CNTN4: variants seen among roughly 807,000 people sequenced by gnomAD.
The protein encoded by CNTN4 is contactin-4.
CNTN4 carries 77 observed loss-of-function variants against 122.5 expected under a neutral mutation model. The observed-to-expected ratio is 0.63, with a 90% CI of 0.52 to 0.76. CNTN4 has a LOEUF of 0.76. Ranked by LOEUF, CNTN4 falls within the 30% of genes least tolerant of loss-of-function variation. The pLI is 0.00. For synonymous variants in CNTN4, 512 were observed against 447.0 expected (o/e 1.15, Z -1.83); for missense variants, 1,256 against 1,259.1 (o/e 1.00, Z 0.04).
intron 17 of CNTN4, among the ~76,000 whole-genome samples, chr3:3,036,402 TA>T (rs1453590520): frequency 6.6e-6 from 1 of 152,204 alleles, no homozygotes; most frequent in Non-Finnish European, 1.5e-5. Context: ...ACCTGACTGC[TA>T]ATCAGCTGAT....
intron 3 of CNTN4, among the ~76,000 whole-genome samples, chr3:2,560,787 G>C (rs1269573599): frequency 6.6e-6 from 1 of 152,164 alleles, no homozygotes; most frequent in Non-Finnish European, 1.5e-5. Context: ...CATGAGGGAA[G>C]ACCCTGTCTT....
At chr3:2,884,877 G>T (rs1250364684) in intron 9 of CNTN4, among the ~76,000 whole-genome samples, 1 of 152,112 alleles carries the variant, frequency 6.6e-6, no homozygotes, top group Non-Finnish European at 1.5e-5. Context: ...GAAATGTTTG[G>T]GTATGCACAT....
At chr3:2,616,554 A>T (rs1336378470) in intron 4 of CNTN4, among the ~76,000 whole-genome samples, 2 of 152,178 alleles carry the variant, frequency 1.3e-5, no homozygotes, top group South Asian at 2.1e-4. Flanking sequence ...GAATCGCCAC[A>T]CTGTCTTCCA....
intron 4 of CNTN4, among the ~76,000 whole-genome samples, chr3:2,732,935 C>T (rs1248823625): frequency 2.0e-5 from 3 of 152,022 alleles, no homozygotes; most frequent in Non-Finnish European, 4.4e-5. Context: ...AGGCAGTGAG[C>T]TTGGTTAACT....
intron 2 of CNTN4, among the ~76,000 whole-genome samples, chr3:2,213,718 GT>G (rs1188599318): frequency 6.6e-6 from 1 of 152,180 alleles, no homozygotes; most frequent in East Asian, 1.9e-4. Context: ...AGCAAGTTTT[GT>G]TTTTGCACAA....
chr3:2,850,257 G>C (rs1012723269), intron 7 of CNTN4, among the ~76,000 whole-genome samples: 1 of 152,020 alleles, frequency 6.6e-6, no homozygotes, highest in African/African-American at 2.4e-5. Context: ...CAAAGTGCAG[G>C]GATTACAGGC....
chr3:2,448,321 A>G (rs1020976867), intron 3 of CNTN4, among the ~76,000 whole-genome samples: 2 of 152,186 alleles, frequency 1.3e-5, no homozygotes, highest in African/African-American at 4.8e-5. Flanking sequence ...TGTTGCCTTA[A>G]AAGCAAGTAT....
intron 2 of CNTN4, among the ~76,000 whole-genome samples, chr3:2,104,951 G>A (rs2125100558): frequency 6.6e-6 from 1 of 152,274 alleles, no homozygotes; most frequent in African/African-American, 2.4e-5. Flanking sequence ...TGGTCTGGGT[G>A]GGATTCCGTT....
intron 2 of CNTN4, among the ~76,000 whole-genome samples, chr3:2,291,883 G>A (rs11129089): frequency 0.19 from 28,166 of 151,834 alleles, 3,213 homozygotes; most frequent in East Asian, 0.56. Flanking sequence ...ACAGGCATTC[G>A]CTACCATGCA....
chr3:2,366,420 C>T (rs1223221750), intron 3 of CNTN4, among the ~76,000 whole-genome samples: 4 of 152,010 alleles, frequency 2.6e-5, no homozygotes, highest in African/African-American at 4.8e-5. Context: ...TTTCTAATTA[C>T]AATTTTCCTC....
intron 14 of CNTN4, among the ~76,000 whole-genome samples, chr3:3,021,091 C>T (rs554949667): frequency 2.6e-5 from 4 of 152,266 alleles, no homozygotes; most frequent in African/African-American, 9.6e-5. Flanking sequence ...CTGCCAATCC[C>T]CCAGCATGTA....
At chr3:2,896,012 G>A (rs533565436) in intron 10 of CNTN4, among the ~76,000 whole-genome samples, 10 of 152,094 alleles carry the variant, frequency 6.6e-5, no homozygotes, top group Non-Finnish European at 1.2e-4. Flanking sequence ...TGGTCTGGGC[G>A]ACAGAGCCAG....
intron 4 of CNTN4, among the ~76,000 whole-genome samples, chr3:2,593,551 C>G (rs9850775): frequency 1.3e-5 from 2 of 151,892 alleles, no homozygotes; most frequent in Non-Finnish European, 2.9e-5. Context: ...GTAATGACAA[C>G]TATTTGTTTG....
chr3:2,731,500 TG>T lies in CNTN4; in HGVS notation c.56-4714del, dbSNP rs1428611166. Among the ~76,000 whole-genome samples, 11 of 152,324 alleles carry T rather than the reference TG, an allele frequency of 7.2e-5. No homozygotes were observed. In the East Asian group the frequency reaches 2.1e-3, roughly 29 times the overall value. The stretch of plus-strand genomic sequence containing the variant: ...GGTGCCTGCACTAGATCCTCCAAGC[TG>T]TGTGTCAGATCAATGGTCTGGAATC... On this transcript the variant is annotated intron_variant, in intron 4 of 24. Transcript: ENST00000418658.
chr3:2,572,257 A>G (rs891348182), intron 4 of CNTN4, among the ~76,000 whole-genome samples: 4 of 152,096 alleles, frequency 2.6e-5, no homozygotes, highest in African/African-American at 9.7e-5. Flanking sequence ...GCAGTGGTGC[A>G]TGCCTGTAAT....
At chr3:2,196,848 C>T (rs946178175) in intron 2 of CNTN4, among the ~76,000 whole-genome samples, 1 of 151,770 alleles carries the variant, frequency 6.6e-6, no homozygotes, top group African/African-American at 2.4e-5. Context: ...AGTTCGAGAC[C>T]AGCCTGACCA....
At chr3:2,415,295 G>T (rs565868980) in intron 3 of CNTN4, among the ~76,000 whole-genome samples, 5 of 152,160 alleles carry the variant, frequency 3.3e-5, no homozygotes, top group Non-Finnish European at 5.9e-5. Context: ...GATTGTGTTG[G>T]TTTGTAAAGG....
At chr3:3,054,031 C>A in intron 24 of CNTN4, 56 bp downstream of exon 24, 1 of 1,567,700 alleles carries the variant, frequency 6.4e-7, no homozygotes, top group Non-Finnish European at 8.8e-7. Context: ...TATCAGCCTT[C>A]CAGATGAGTC....
chr3:2,179,124 C>G (rs2149274746), intron 2 of CNTN4, among the ~76,000 whole-genome samples: 1 of 152,142 alleles, frequency 6.6e-6, no homozygotes, highest in South Asian at 2.1e-4. Context: ...TTGCAGTTCA[C>G]CAGTAACCAT....
Sources: allele counts gnomAD v4.1 joint callset (sites outside exome capture counted in the v4.1 genomes callset), GRCh38; gene constraint gnomAD v4.1.1; transcripts MANE v1.5; gene names NCBI Gene and HGNC (gene_info 2026-07-23, HGNC 2026-07-21).